RGS17: variants seen among roughly 807,000 people sequenced by gnomAD.
RGS17 encodes regulator of G-protein signaling 17.
RGS17 carries 12 observed loss-of-function variants against 25.5 expected under a neutral mutation model. The observed-to-expected ratio is 0.47, with a 90% CI of 0.30 to 0.76. RGS17 has a LOEUF of 0.76. RGS17 is among the 30% of genes least tolerant of loss of function. RGS17 has a pLI of 0.07. For missense variants in RGS17, 196 were observed against 242.2 expected (o/e 0.81, Z 1.27); for synonymous variants, 71 against 76.9 (o/e 0.92, Z 0.40).
intron 1 of RGS17, among the ~76,000 whole-genome samples, chr6:153,069,739 C>CGTGTGTGTGTGTGTGTGTGTGTGT (rs60117149): frequency 7.1e-6 from 1 of 140,938 alleles, no homozygotes; most frequent in African/African-American, 2.6e-5. Flanking sequence ...ATATACACCT[C>CGTGTGTGTGTGTGTGTGTGTGTGT]GTGTGTGTGT....
intron 1 of RGS17, among the ~76,000 whole-genome samples, chr6:153,063,292 T>A (rs975038634): frequency 6.6e-6 from 1 of 152,122 alleles, no homozygotes. Context: ...GGACAGAGAA[T>A]TCAAAATATC....
intron 4 of RGS17, 71 bp downstream of exon 4, chr6:153,024,191 T>C (rs974560199): frequency 4.4e-5 from 43 of 977,932 alleles, no homozygotes; most frequent in Non-Finnish European, 6.5e-5. Context: ...CCCTACCCAA[T>C]GTGGACAGCC....
intron 1 of RGS17, among the ~76,000 whole-genome samples, chr6:153,087,982 A>C (rs920375367): frequency 3.3e-5 from 5 of 152,150 alleles, no homozygotes; most frequent in African/African-American, 9.7e-5. Flanking sequence ...GTTGCTTCCA[A>C]GGTTAGGTTA....
chr6:153,122,450 T>A (rs1247179782), intron 1 of RGS17, among the ~76,000 whole-genome samples: 1 of 152,162 alleles, frequency 6.6e-6, no homozygotes, highest in Admixed American at 6.5e-5. Context: ...TTACTGAAAG[T>A]AATTTAGTTT....
intron 1 of RGS17, among the ~76,000 whole-genome samples, chr6:153,117,111 G>A (rs1777557283): frequency 6.6e-6 from 1 of 152,070 alleles, no homozygotes; most frequent in South Asian, 2.1e-4. Flanking sequence ...CCCGAGACTG[G>A]GTAATTTATA....
At chr6:153,076,271 T>C (rs1776877120) in intron 1 of RGS17, among the ~76,000 whole-genome samples, 1 of 151,916 alleles carries the variant, frequency 6.6e-6, no homozygotes, top group South Asian at 2.1e-4. Flanking sequence ...ATATACAATA[T>C]AATAACAAAA....
intron 1 of RGS17, among the ~76,000 whole-genome samples, chr6:153,102,996 G>C (rs1777326774): frequency 6.6e-6 from 1 of 152,176 alleles, no homozygotes; most frequent in Admixed American, 6.5e-5. Flanking sequence ...AAGCATTATG[G>C]TGGTATATTA....
chr6:153,087,584 G>A (rs906007737), intron 1 of RGS17, among the ~76,000 whole-genome samples: 15 of 152,192 alleles, frequency 9.9e-5, no homozygotes, highest in African/African-American at 3.6e-4. Context: ...TGCCCAGTTG[G>A]ATGTCAGGAT....
intron 4 of RGS17, among the ~76,000 whole-genome samples, chr6:153,015,943 G>A (rs1477291393): frequency 7.2e-5 from 11 of 152,124 alleles, no homozygotes; most frequent in South Asian, 2.1e-4. Flanking sequence ...GTGAGCCACC[G>A]CGCCCAGCCA....
chr6:153,060,194 A>T (rs1391485161), intron 1 of RGS17, among the ~76,000 whole-genome samples: 1 of 152,196 alleles, frequency 6.6e-6, no homozygotes, highest in African/African-American at 2.4e-5. Flanking sequence ...GAAAAGATTA[A>T]GGGCTTGTTG....
chr6:153,045,128 T>C (rs1478536867), intron 1 of RGS17, among the ~76,000 whole-genome samples: 4 of 152,172 alleles, frequency 2.6e-5, no homozygotes, highest in African/African-American at 9.7e-5. Flanking sequence ...CTTTAAAAAA[T>C]ACTGCATTCT....
intron 1 of RGS17, among the ~76,000 whole-genome samples, chr6:153,044,531 C>T (rs1010969633): frequency 3.9e-5 from 6 of 152,308 alleles, no homozygotes; most frequent in Admixed American, 3.3e-4. Context: ...TTGGCGCCCT[C>T]TCACTTCCTT....
Position 153,011,513 on chromosome 6 carries a change from GTTAT to G in RGS17, c.*57_*60del. ...GTTCTCCAGGAACTCAGTTTCTGAT[GTTAT>G]TTAACTACTTTTATTTCCCATCTCA... On this transcript the variant is annotated 3_prime_UTR_variant, in exon 5 of 5. Transcript: ENST00000206262. 8.5e-7 allele frequency: 1 copy of G among 1,178,056 alleles called. No individual in the cohort carries two copies. The highest frequency in any genetic ancestry group is 1.3e-5 in the South Asian group (1 of 74,744). The allele number at this position is 1,178,056 out of a possible 1,614,324, so 73.0% of individuals were successfully genotyped here.
chr6:153,103,007 C>T (rs1777326930), intron 1 of RGS17, among the ~76,000 whole-genome samples: 1 of 152,222 alleles, frequency 6.6e-6, no homozygotes, highest in South Asian at 2.1e-4. Context: ...TGGTATATTA[C>T]ATCCATCTCA....
intron 4 of RGS17, among the ~76,000 whole-genome samples, chr6:153,016,459 T>A (rs980355885): frequency 6.6e-6 from 1 of 152,210 alleles, no homozygotes; most frequent in African/African-American, 2.4e-5. Context: ...GGGGGGGTCA[T>A]TTACTTCTTA....
intron 1 of RGS17, among the ~76,000 whole-genome samples, chr6:153,065,190 G>A (rs988927377): frequency 4.6e-5 from 7 of 152,124 alleles, no homozygotes; most frequent in Admixed American, 3.9e-4. Flanking sequence ...TACAAAAACT[G>A]TAAGAAGAGA....
At chr6:153,094,886 T>C (rs1485264776) in intron 1 of RGS17, among the ~76,000 whole-genome samples, 1 of 129,460 alleles carries the variant, frequency 7.7e-6, no homozygotes, top group African/African-American at 3.0e-5. Flanking sequence ...ATATTTAATT[T>C]TTAAACATTT....
rs190250763 is a variant in RGS17 at position 153,006,546 on chromosome 6, T to A, written c.*5028A>T. On this transcript the variant is annotated 3_prime_UTR_variant, in exon 5 of 5. Coordinates refer to ENST00000206262, the MANE Select transcript of RGS17 (RefSeq NM_012419.5). ...ACATTATTGAGAAAAGCAGTAACACTGATATAGTGTTCCATCTTAAAACAT... is the reference window on the plus strand; with the variant it reads ...ACATTATTGAGAAAAGCAGTAACACAGATATAGTGTTCCATCTTAAAACAT... 3 of 152,600 alleles carry A rather than the reference T, an allele frequency of 2.0e-5. No individual in the cohort carries two copies. The highest frequency in any genetic ancestry group is 7.2e-5 in the African/African-American group (3 of 41,440). The allele number at this position is 152,600 out of a possible 1,614,324, so 9.5% of individuals were successfully genotyped here.
chr6:153,020,178 G>T (rs1779234502), intron 4 of RGS17, among the ~76,000 whole-genome samples: 1 of 94,166 alleles, frequency 1.1e-5, no homozygotes. Context: ...TTTTGAGACA[G>T]AGTCTCGCAC....
Sources: gnomAD v4.1 joint callset for allele counts (sites outside exome capture counted in the v4.1 genomes callset) on GRCh38, gnomAD v4.1.1 for gene constraint, MANE v1.5 for transcripts, NCBI Gene and HGNC (gene_info 2026-07-23, HGNC 2026-07-21) for gene names.